The following ADGB variants were observed in gnomAD, a reference collection of about 807,000 sequenced individuals.
ADGB encodes the protein calpain-7-like protein.
ADGB carries 172 observed loss-of-function variants against 210.5 expected under a neutral mutation model. That is an observed-to-expected ratio of 0.82 (90% CI 0.72 to 0.93). The LOEUF (loss-of-function observed/expected upper bound fraction) is 0.93, where lower values mean the gene tolerates loss of function less well. Ranked by LOEUF, ADGB falls within the 40% of genes least tolerant of loss-of-function variation. The pLI, the probability that ADGB is intolerant of heterozygous loss-of-function variation, is 0.00. For synonymous variants in ADGB, 658 were observed against 662.7 expected, an observed-to-expected ratio of 0.99 and a Z score of 0.11; for missense variants, 2,025 against 1,964.8, an observed-to-expected ratio of 1.03 and a Z score of -0.58.
At chr6:146,661,741 C>T (rs1222176965) in intron 5 of ADGB, among the ~76,000 whole-genome samples, 3 of 151,822 alleles carry the variant, frequency 2.0e-5, no homozygotes, top group Non-Finnish European at 4.4e-5. Flanking sequence ...ATTCTCCTTT[C>T]TTTTTATTTC....
At chr6:146,696,565 TA>T (rs1776405869) in intron 12 of ADGB, among the ~76,000 whole-genome samples, 6 of 152,256 alleles carry the variant, frequency 3.9e-5, no homozygotes, top group African/African-American at 9.6e-5. Flanking sequence ...AAAAATGTAT[TA>T]ATTAATCAAT....
At chr6:146,746,896 C>T (rs1777247723) in intron 26 of ADGB, among the ~76,000 whole-genome samples, 1 of 152,122 alleles carries the variant, frequency 6.6e-6, no homozygotes, top group African/African-American at 2.4e-5. Context: ...AGCATTTCCT[C>T]TTGTCCCATG....
chr6:146,724,437 A>T, intron 18 of ADGB, 110 bp downstream of exon 18: 1 of 1,171,078 alleles, frequency 8.5e-7, no homozygotes, highest in Non-Finnish European at 1.2e-6. Flanking sequence ...TTCTCAAAGC[A>T]ATTTCTCAAG....
intron 35 of ADGB, among the ~76,000 whole-genome samples, chr6:146,806,171 A>C (rs1267529485): frequency 2.6e-5 from 4 of 152,250 alleles, no homozygotes; most frequent in African/African-American, 9.6e-5. Flanking sequence ...AACCAAATAA[A>C]TGCAGCAGAT....
intron 3 of ADGB, 85 bp from the exon 4 acceptor site, chr6:146,654,050 G>C: frequency 1.1e-6 from 1 of 906,988 alleles, no homozygotes. Context: ...GCAACTTCAG[G>C]CATAAATGGA....
intron 8 of ADGB, among the ~76,000 whole-genome samples, chr6:146,675,831 G>C (rs1250065733): frequency 6.6e-6 from 1 of 152,172 alleles, no homozygotes; most frequent in Non-Finnish European, 1.5e-5. Context: ...ATGCTGGTTT[G>C]GGACTTTGGT....
At chr6:146,734,399 G>A (rs888906696) in intron 22 of ADGB, among the ~76,000 whole-genome samples, 10 of 152,190 alleles carry the variant, frequency 6.6e-5, no homozygotes, top group African/African-American at 2.4e-4. Context: ...CCTCAGCTAA[G>A]TCATAGATAT....
At chr6:146,810,984 G>A (rs1419026343) in intron 35 of ADGB, among the ~76,000 whole-genome samples, 5 of 152,088 alleles carry the variant, frequency 3.3e-5, no homozygotes, top group Admixed American at 6.6e-5. Context: ...AACATATACA[G>A]TTTATTTTCC....
intron 1 of ADGB, among the ~76,000 whole-genome samples, chr6:146,600,955 C>CACAA (rs1780548293): frequency 6.7e-6 from 1 of 150,118 alleles, no homozygotes; most frequent in East Asian, 1.9e-4. Flanking sequence ...CACACACACA[C>CACAA]ACACACACAC....
At chr6:146,777,736 C>T (rs1020382434) in intron 29 of ADGB, among the ~76,000 whole-genome samples, 7 of 152,200 alleles carry the variant, frequency 4.6e-5, no homozygotes, top group Non-Finnish European at 8.8e-5. Flanking sequence ...TTCAGCCCAT[C>T]CCTTTGCAGC....
chr6:146,660,403 A>T (rs996004269), intron 5 of ADGB, among the ~76,000 whole-genome samples: 19 of 152,238 alleles, frequency 1.2e-4, no homozygotes, highest in Non-Finnish European at 2.4e-4. Flanking sequence ...GTTCCCCGTA[A>T]TTTTACCATA....
chr6:146,710,474 A>G (rs1776643531), intron 13 of ADGB, among the ~76,000 whole-genome samples: 1 of 152,154 alleles, frequency 6.6e-6, no homozygotes, highest in Non-Finnish European at 1.5e-5. Flanking sequence ...GACAGAAGGT[A>G]TCCATAAACT....
intron 1 of ADGB, among the ~76,000 whole-genome samples, chr6:146,611,189 C>T (rs1396602241): frequency 1.3e-5 from 2 of 151,850 alleles, no homozygotes; most frequent in African/African-American, 4.8e-5. Flanking sequence ...AGGAAGCACC[C>T]CAGTTGAGCA....
chr6:146,657,007 A>C lies in ADGB; in HGVS notation c.612+27A>C, dbSNP rs1316294413. 2.6e-6 allele frequency: 4 copies of C among 1,509,742 alleles called. No individual in the cohort carries two copies. The South Asian group carries it at 4.8e-5, about 18-fold the overall frequency. 93.5% of individuals were successfully genotyped at this position (1,509,742 alleles called of 1,614,324 possible). On this transcript the variant is annotated intron_variant, in intron 5 of 35. Coordinates refer to ENST00000397944, the MANE Select transcript of ADGB (RefSeq NM_024694.4). ...TAAGTCCATTTTCGTGTGCATAAAA[A>C]CTCATGAGTCTTTCATATTGAAATA...
At chr6:146,651,532 G>A (rs1035525800) in intron 3 of ADGB, among the ~76,000 whole-genome samples, 3 of 152,182 alleles carry the variant, frequency 2.0e-5, no homozygotes, top group East Asian at 1.9e-4. Flanking sequence ...CTTGGTAGGC[G>A]AAACATGTAC....
Position 146,664,252 on chromosome 6 carries a change from A to G in ADGB, c.664A>G (p.Asn222Asp). Residue 222 changes from asparagine (N) to aspartate (D), a missense_variant, in exon 6 of 36, where the codon AAC becomes GAC. Physicochemically the swap from Asn to Asp is conservative, Grantham distance 23. Coordinates refer to ENST00000397944, the MANE Select transcript of ADGB (RefSeq NM_024694.4). ...TGACTTTTTGCCTTTTGATGAAGATAACAATCTATTGCTTCCAGCTACAAC... is the reference window on the plus strand; with the variant it reads ...TGACTTTTTGCCTTTTGATGAAGATGACAATCTATTGCTTCCAGCTACAAC... The part of the protein sequence containing the change: ...IDDFLPFDED[N>D]NLLLPATTYE... 1 of 1,549,636 alleles carries G rather than the reference A, an allele frequency of 6.5e-7. No homozygotes were observed. The highest frequency in any genetic ancestry group is 1.2e-5 in the South Asian group (1 of 83,866).
At chr6:146,623,841 A>C (rs2114846353) in intron 1 of ADGB, among the ~76,000 whole-genome samples, 1 of 151,940 alleles carries the variant, frequency 6.6e-6, no homozygotes, top group African/African-American at 2.4e-5. Context: ...AGATGATCAT[A>C]ATTTTTTTTA....
intron 1 of ADGB, among the ~76,000 whole-genome samples, chr6:146,622,437 T>C (rs1780908225): frequency 6.6e-6 from 1 of 152,126 alleles, no homozygotes; most frequent in Non-Finnish European, 1.5e-5. Context: ...TATTTTAAGG[T>C]CAACTATCCC....
intron 1 of ADGB, among the ~76,000 whole-genome samples, chr6:146,623,703 G>A (rs959023166): frequency 6.6e-6 from 1 of 151,860 alleles, no homozygotes; most frequent in Non-Finnish European, 1.5e-5. Context: ...ACATCACTAA[G>A]TATGATGTCA....
Sources: allele counts gnomAD v4.1 joint callset (sites outside exome capture counted in the v4.1 genomes callset), GRCh38; gene constraint gnomAD v4.1.1; transcripts MANE v1.5; gene names NCBI Gene and HGNC (gene_info 2026-07-23, HGNC 2026-07-21).